DOCK9: variants seen among roughly 807,000 people sequenced by gnomAD.
DOCK9 encodes the protein dedicator of cytokinesis protein 9.
A neutral mutation model predicts 263.3 loss-of-function variants in DOCK9; 89 were observed. That is an observed-to-expected ratio of 0.34 (90% CI 0.28 to 0.40). The LOEUF is 0.40. Ranked by LOEUF, DOCK9 falls within the 10% of genes least tolerant of loss-of-function variation. DOCK9 has a pLI of 1.00. For synonymous variants in DOCK9, 976 were observed against 973.1 expected, an observed-to-expected ratio of 1.00 and a Z score of -0.06; for missense variants, 2,140 against 2,603.4, an observed-to-expected ratio of 0.82 and a Z score of 3.87.
At chr13:98,906,786 TA>T (rs763082364) in intron 9 of DOCK9, among the ~76,000 whole-genome samples, 1 of 152,214 alleles carries the variant, frequency 6.6e-6, no homozygotes, top group Non-Finnish European at 1.5e-5. Flanking sequence ...TATGTTTATA[TA>T]AAATGGGCAC....
chr13:98,861,936 C>T (rs780948669), intron 32 of DOCK9, among the ~76,000 whole-genome samples: 11 of 152,106 alleles, frequency 7.2e-5, no homozygotes, highest in Non-Finnish European at 1.5e-4. Context: ...AAACTGTAGC[C>T]CACAGAGGTG....
intron 1 of DOCK9, among the ~76,000 whole-genome samples, chr13:99,082,848 A>G (rs909597142): frequency 6.6e-6 from 1 of 152,248 alleles, no homozygotes; most frequent in African/African-American, 2.4e-5. Context: ...TTATATACCT[A>G]AGATTGTACA....
intron 21 of DOCK9, among the ~76,000 whole-genome samples, chr13:98,884,605 G>A (rs1418619296): frequency 1.3e-5 from 2 of 152,188 alleles, no homozygotes; most frequent in African/African-American, 2.4e-5. Context: ...GAGATTTGGC[G>A]TACTTGACTT....
intron 15 of DOCK9, among the ~76,000 whole-genome samples, chr13:98,893,083 G>A (rs2046873146): frequency 6.6e-6 from 1 of 152,184 alleles, no homozygotes; most frequent in Non-Finnish European, 1.5e-5. Context: ...GAGGCAGGAA[G>A]GGGACACAAT....
At chr13:99,076,946 G>A (rs7991336) in intron 1 of DOCK9, among the ~76,000 whole-genome samples, 21 of 152,184 alleles carry the variant, frequency 1.4e-4, no homozygotes, top group Non-Finnish European at 2.2e-4. Context: ...CAGGACATGC[G>A]AGTACAGTTT....
chr13:99,033,659 C>T (rs946974498), intron 1 of DOCK9, among the ~76,000 whole-genome samples: 4 of 152,196 alleles, frequency 2.6e-5, no homozygotes, highest in Admixed American at 6.5e-5. Context: ...CATCTCACAT[C>T]TCACCTATTG....
intron 1 of DOCK9, among the ~76,000 whole-genome samples, chr13:99,007,204 A>G (rs899597441): frequency 2.0e-5 from 3 of 152,094 alleles, no homozygotes; most frequent in East Asian, 3.9e-4. Flanking sequence ...CCTGGCCAAC[A>G]TGGTGAAACC....
upstream of DOCK9, among the ~76,000 whole-genome samples, chr13:98,979,682 C>T (rs2141583235): frequency 6.6e-6 from 1 of 152,148 alleles, no homozygotes; most frequent in Admixed American, 6.5e-5. Flanking sequence ...TAGAAGTCCC[C>T]CTACCAAATC....
intron 7 of DOCK9, among the ~76,000 whole-genome samples, chr13:98,919,498 G>A (rs1171242480): frequency 1.3e-5 from 2 of 152,206 alleles, no homozygotes; most frequent in Non-Finnish European, 2.9e-5. Flanking sequence ...TCAAACCAGA[G>A]AGCTGTGTCA....
intron 39 of DOCK9, among the ~76,000 whole-genome samples, chr13:98,836,253 T>C (rs563514303): frequency 1.3e-5 from 2 of 152,296 alleles, no homozygotes; most frequent in South Asian, 4.1e-4. Flanking sequence ...GGGAAGAAGG[T>C]GTTGCTGCTG....
intron 52 of DOCK9, chr13:98,796,214 C>T: frequency 6.3e-7 from 1 of 1,587,842 alleles, no homozygotes; most frequent in Non-Finnish European, 8.6e-7. Context: ...ACCATCCCAG[C>T]TGAACGTGTT....
Position 98,829,539 on chromosome 13 carries a change from A to G in DOCK9, c.4750-17T>C. On this transcript the variant is annotated splice_polypyrimidine_tract_variant and intron_variant, in intron 42 of 52. Transcript: ENST00000682017. This position sits in a 1 kb window ranked among gnomAD's most constrained non-coding sequence, Gnocchi z 4.1. ...GCTGGTGTGCTAAAACAAGGGTGGA[A>G]GAGGAAAGGACACATGGCTTCCTCT... 6.2e-7 allele frequency: 1 copy of G among 1,605,710 alleles called. No individual in the cohort carries two copies. Among genetic ancestry groups the G allele is most frequent in the Non-Finnish European group, 8.5e-7 (1 of 1,175,554 alleles).
Position 99,001,393 on chromosome 13 carries a change from T to A in DOCK9, c.130-45842A>T, listed in dbSNP as rs962476101. Among the ~76,000 whole-genome samples the A allele has an allele frequency of 2.0e-5, 3 of 152,226 alleles. No individual in the cohort carries two copies. In the South Asian group the frequency reaches 6.2e-4, roughly 31 times the overall value. ...TACCAAGTCCTGTTGACAATCTAAA[T>A]GGAGAGAGTATCTTTTCATCCTCTT... On this transcript the variant is annotated intron_variant, in intron 1 of 32. Coordinates refer to the DOCK9 transcript ENST00000427887.
chr13:98,914,083 T>C (rs968601850), intron 9 of DOCK9, among the ~76,000 whole-genome samples: 15 of 152,126 alleles, frequency 9.9e-5, no homozygotes, highest in African/African-American at 3.4e-4. Flanking sequence ...GTGTTAAGCA[T>C]TATCAGGGAA....
chr13:98,897,485 C>T lies in DOCK9; in HGVS notation c.1709+3G>A, dbSNP rs1304560584. ...GGTGTGGAAATAAGACCTTGAAACTCACTTCCGAAAGTCTGCAAGTAACTT... is the reference window on the plus strand; with the variant it reads ...GGTGTGGAAATAAGACCTTGAAACTTACTTCCGAAAGTCTGCAAGTAACTT... On this transcript the variant is annotated splice_donor_region_variant and intron_variant, in intron 15 of 52. Transcript: ENST00000682017. 1.2e-6 allele frequency: 2 copies of T among 1,613,440 alleles called. No individual in the cohort carries two copies. The highest frequency in any genetic ancestry group is 1.3e-5 in the African/African-American group (1 of 74,922).
chr13:98,893,426 T>C (rs2046928784), intron 15 of DOCK9, among the ~76,000 whole-genome samples: 1 of 152,240 alleles, frequency 6.6e-6, no homozygotes, highest in Admixed American at 6.5e-5. Context: ...ATCCATGAGA[T>C]ACCACCATGA....
At chr13:98,873,151 C>T (rs188313611) in intron 27 of DOCK9, among the ~76,000 whole-genome samples, 1 of 152,224 alleles carries the variant, frequency 6.6e-6, no homozygotes, top group African/African-American at 2.4e-5. Context: ...GGCTCTCCCA[C>T]TGTCTCCTGA....
intron 41 of DOCK9, among the ~76,000 whole-genome samples, chr13:98,830,952 T>C (rs1268519349): frequency 6.6e-6 from 1 of 152,240 alleles, no homozygotes; most frequent in Non-Finnish European, 1.5e-5. Context: ...GAGCAGAGAA[T>C]TTAGGATGCT....
At chr13:99,057,550 A>G (rs1031224691) in intron 1 of DOCK9, among the ~76,000 whole-genome samples, 1 of 152,236 alleles carries the variant, frequency 6.6e-6, no homozygotes, top group African/African-American at 2.4e-5. Flanking sequence ...CTGTTGTGCA[A>G]TATTTCCCAA....
Sources: gnomAD v4.1 joint callset for allele counts (sites outside exome capture counted in the v4.1 genomes callset) on GRCh38, gnomAD v4.1.1 for gene constraint, Gnocchi (gnomAD v3.1) non-coding constraint, MANE v1.5 for transcripts, NCBI Gene and HGNC (gene_info 2026-07-23, HGNC 2026-07-21) for gene names.